The following OCM variants were observed in gnomAD, a reference collection of about 807,000 sequenced individuals.
OCM encodes the protein oncomodulin-1.
Under a neutral mutation model 14.1 loss-of-function variants are expected in OCM, and 18 were observed. The ratio of observed to expected loss-of-function variants is 1.28; its 90% CI spans 0.88 to 1.89. The LOEUF is 1.89. Among genes scored for constraint, OCM ranks in the 40% most tolerant of loss-of-function variants. The pLI is 0.00. For missense variants in OCM, 140 were observed against 137.6 expected (o/e 1.02, Z -0.09); for synonymous variants, 48 against 51.0 (o/e 0.94, Z 0.25).
At chr7:5,869,134 C>T in the OCM span, among the ~76,000 whole-genome samples, 3 of 152,082 alleles carry the variant, frequency 2.0e-5, no homozygotes, top group African/African-American at 7.2e-5. Flanking sequence ...TGACTTCATA[C>T]CATTGGTATT....
At chr7:5,872,732 C>G in the OCM span, among the ~76,000 whole-genome samples, 4 of 152,228 alleles carry the variant, frequency 2.6e-5, no homozygotes, top group South Asian at 8.3e-4. Context: ...GGGACACAAA[C>G]ACTGCCGAAG....
At chr7:5,877,556 C>T (rs1216065185), upstream of OCM, among the ~76,000 whole-genome samples, 2 of 151,236 alleles carry the variant, frequency 1.3e-5, no homozygotes, top group African/African-American at 4.9e-5. Context: ...CGGCTGCTCA[C>T]ATCTGTAATC....
At chr7:5,873,285 G>C in the OCM span, among the ~76,000 whole-genome samples, 1 of 152,086 alleles carries the variant, frequency 6.6e-6, no homozygotes, top group Non-Finnish European at 1.5e-5. Flanking sequence ...GATGAGGCAG[G>C]AGAATCGCTT....
chr7:5,868,181 G>A, the OCM span, among the ~76,000 whole-genome samples: 4 of 151,588 alleles, frequency 2.6e-5, no homozygotes, highest in African/African-American at 9.7e-5. Flanking sequence ...TTGGAGACAG[G>A]GCCTACCAAG....
upstream of OCM, among the ~76,000 whole-genome samples, chr7:5,879,520 C>T (rs560347517): frequency 2.6e-5 from 4 of 152,200 alleles, no homozygotes; most frequent in East Asian, 5.8e-4. Flanking sequence ...CTGCCTCCAA[C>T]GGTACCTGCT....
At chr7:5,862,540 A>G in the OCM span, among the ~76,000 whole-genome samples, 2 of 152,198 alleles carry the variant, frequency 1.3e-5, no homozygotes, top group Admixed American at 6.5e-5. Context: ...ATCGTAAATC[A>G]TCCTTCCACC....
At chr7:5,859,790 C>T in the OCM span, among the ~76,000 whole-genome samples, 1 of 151,930 alleles carries the variant, frequency 6.6e-6, no homozygotes, top group African/African-American at 2.4e-5. Flanking sequence ...CTCCGCCTCC[C>T]GGGTTCAAGC....
chr7:5,871,850 G>T, the OCM span: 3 of 151,832 alleles, frequency 2.0e-5, 1 homozygote, highest in Non-Finnish European at 2.9e-5. Context: ...GACTTGCTCC[G>T]TTGCCAGCCT....
At chr7:5,884,844 G>A (rs1401342264) in intron 3 of OCM, among the ~76,000 whole-genome samples, 1 of 152,136 alleles carries the variant, frequency 6.6e-6, no homozygotes, top group East Asian at 1.9e-4. Context: ...CAGGGGCTGG[G>A]CGTGGTGGCT....
At chr7:5,881,348 T>C (rs1193858357) in intron 1 of OCM, among the ~76,000 whole-genome samples, 1 of 146,594 alleles carries the variant, frequency 6.8e-6, no homozygotes, top group African/African-American at 2.5e-5. Context: ...AGACCAGGCA[T>C]GGTGGCTCAC....
intron 3 of OCM, among the ~76,000 whole-genome samples, chr7:5,884,751 C>T (rs779518607): frequency 6.0e-5 from 9 of 151,034 alleles, no homozygotes; most frequent in African/African-American, 1.2e-4. Flanking sequence ...ATACCACTAT[C>T]GCTTACTACA....
the OCM span, among the ~76,000 whole-genome samples, chr7:5,874,820 A>G: frequency 0.11 from 17,253 of 151,836 alleles, 1,033 homozygotes; most frequent in African/African-American, 0.14. Flanking sequence ...TTAACCCTTT[A>G]AAGTTCAGTG....
At position 5,883,996 on chromosome 7, in the gene OCM, G is replaced by A. The variant is rs757542052; in HGVS notation, c.301G>A (p.Glu101Lys). 8.1e-6 allele frequency: 13 copies of A among 1,612,478 alleles called. No homozygotes were observed. The African/African-American group carries it at 1.5e-4, about 18-fold the overall frequency. ...TGATGGAGATGGGAAAATTGGAGCAGAGGGTATGTCCACACGTGTACGTAG... is the reference window on the plus strand; with the variant it reads ...TGATGGAGATGGGAAAATTGGAGCAAAGGGTATGTCCACACGTGTACGTAG... ...DNDGDGKIGAEEFQEMVHS is the reference protein window; with the variant it reads ...DNDGDGKIGAKEFQEMVHS Residue 101 changes from glutamate (E) to lysine (K), a missense_variant, in exon 3 of 4, where the codon GAG (glutamate) becomes AAG (lysine). Transcript: ENST00000242104.
chr7:5,870,033 T>C, the OCM span, among the ~76,000 whole-genome samples: 5 of 151,664 alleles, frequency 3.3e-5, no homozygotes, highest in Non-Finnish European at 7.4e-5. Context: ...ACATCTTTGC[T>C]TTGTTTTCTT....
At chr7:5,882,741 GC>G (rs1331714018) in intron 2 of OCM, 116 bp downstream of exon 2, 1 of 1,254,732 alleles carries the variant, frequency 8.0e-7, no homozygotes, top group Non-Finnish European at 1.1e-6. Flanking sequence ...TGGTCATTCG[GC>G]CAAGCATCAT....
At chr7:5,869,225 G>T in the OCM span, among the ~76,000 whole-genome samples, 1 of 152,158 alleles carries the variant, frequency 6.6e-6, no homozygotes, top group Non-Finnish European at 1.5e-5. Context: ...TCCCCACGAG[G>T]GGGTGCCAGG....
chr7:5,867,809 T>G, the OCM span, among the ~76,000 whole-genome samples: 2 of 152,152 alleles, frequency 1.3e-5, no homozygotes, highest in African/African-American at 4.8e-5. Context: ...TTGCCCAGGC[T>G]GGAGTGCAGT....
the OCM span, among the ~76,000 whole-genome samples, chr7:5,860,165 A>G: frequency 1.3e-5 from 2 of 151,574 alleles, no homozygotes; most frequent in Non-Finnish European, 1.5e-5. Flanking sequence ...TTTAGTTGCA[A>G]TTTCTCCTTA....
chr7:5,877,178 C>T (rs545055898), upstream of OCM, among the ~76,000 whole-genome samples: 10 of 152,104 alleles, frequency 6.6e-5, 1 homozygote, highest in African/African-American at 2.4e-4. Flanking sequence ...TTTTTAAAAA[C>T]TTGAGGCTGG....
Sources: allele counts gnomAD v4.1 joint callset (sites outside exome capture counted in the v4.1 genomes callset), GRCh38; gene constraint gnomAD v4.1.1; transcripts MANE v1.5; gene names NCBI Gene and HGNC (gene_info 2026-07-23, HGNC 2026-07-21).